NRG3: variants seen among roughly 807,000 people sequenced by gnomAD.
NRG3 encodes neuregulin 3, also known as pro-neuregulin-3, membrane-bound isoform.
NRG3 carries 31 observed loss-of-function variants against 66.9 expected under a neutral mutation model. The ratio of observed to expected loss-of-function variants is 0.46; its 90% confidence interval spans 0.35 to 0.63. The LOEUF is 0.63. Ranked by LOEUF, NRG3 falls within the 20% of genes least tolerant of loss-of-function variation. The pLI is 0.00. For missense variants in NRG3, 910 were observed against 878.9 expected (o/e 1.04, Z -0.45); for synonymous variants, 393 against 359.4 (o/e 1.09, Z -1.06).
intron 3 of NRG3, among the ~76,000 whole-genome samples, chr10:82,824,822 TC>T (rs34245801): frequency 1.3e-5 from 2 of 151,746 alleles, no homozygotes; most frequent in East Asian, 3.9e-4. Context: ...GCTCAAGTCA[TC>T]CCCCCATTTC....
intron 4 of NRG3, among the ~76,000 whole-genome samples, chr10:82,929,180 A>C (rs1847311671): frequency 6.6e-6 from 1 of 152,158 alleles, no homozygotes; most frequent in Non-Finnish European, 1.5e-5. Flanking sequence ...CCGAATTATA[A>C]TGTCCTCTTC....
At chr10:82,066,011 T>C (rs1178045268) in intron 1 of NRG3, among the ~76,000 whole-genome samples, 1 of 152,200 alleles carries the variant, frequency 6.6e-6, no homozygotes, top group Non-Finnish European at 1.5e-5. Flanking sequence ...TAACCTTTAC[T>C]TTTAAAAATC....
chr10:82,348,164 G>A (rs1486291238), intron 1 of NRG3, among the ~76,000 whole-genome samples: 2 of 152,190 alleles, frequency 1.3e-5, no homozygotes, highest in Non-Finnish European at 2.9e-5. Flanking sequence ...TCCTAGCCTC[G>A]ATGGTCTTTA....
intron 1 of NRG3, among the ~76,000 whole-genome samples, chr10:81,944,386 G>A (rs1254271871): frequency 6.6e-6 from 1 of 152,198 alleles, no homozygotes; most frequent in East Asian, 1.9e-4. Flanking sequence ...ATAATATGCA[G>A]TGTCTCAAGA....
At chr10:81,987,653 G>A (rs973885184) in intron 1 of NRG3, among the ~76,000 whole-genome samples, 5 of 152,144 alleles carry the variant, frequency 3.3e-5, no homozygotes, top group Admixed American at 6.5e-5. Context: ...TGATCAATAT[G>A]AATGACACTG....
At chr10:82,039,209 G>A (rs943316273) in intron 1 of NRG3, among the ~76,000 whole-genome samples, 11 of 152,076 alleles carry the variant, frequency 7.2e-5, no homozygotes, top group Non-Finnish European at 1.5e-4. Flanking sequence ...GATGATTAGC[G>A]CTGCCAATGC....
chr10:82,421,047 T>C (rs1302737802), intron 2 of NRG3, among the ~76,000 whole-genome samples: 1 of 152,106 alleles, frequency 6.6e-6, no homozygotes, highest in Non-Finnish European at 1.5e-5. Context: ...GGATCATCAG[T>C]ATCTGTTTGT....
At chr10:82,267,947 C>T (rs1278117004) in intron 1 of NRG3, among the ~76,000 whole-genome samples, 1 of 151,964 alleles carries the variant, frequency 6.6e-6, no homozygotes, top group Non-Finnish European at 1.5e-5. Flanking sequence ...TGGCTGTATG[C>T]CCTGAGAAAA....
chr10:82,868,560 G>A (rs143868879), intron 4 of NRG3, among the ~76,000 whole-genome samples: 271 of 152,286 alleles, frequency 1.8e-3, no homozygotes, highest in African/African-American at 6.0e-3. Context: ...ATTGTTTGCA[G>A]TAGTGAATAG....
intron 1 of NRG3, among the ~76,000 whole-genome samples, chr10:82,332,452 C>T (rs1480948754): frequency 6.6e-6 from 1 of 152,132 alleles, no homozygotes; most frequent in Non-Finnish European, 1.5e-5. Context: ...ACTAACACAT[C>T]TAGAAGGGAC....
chr10:82,426,469 T>C (rs1310183182), intron 2 of NRG3, among the ~76,000 whole-genome samples: 1 of 151,382 alleles, frequency 6.6e-6, no homozygotes, highest in Admixed American at 6.6e-5. Context: ...TTCTCTGATA[T>C]ATCTAAGAAA....
chr10:82,373,728 G>A (rs1311742941), intron 2 of NRG3, among the ~76,000 whole-genome samples: 1 of 152,136 alleles, frequency 6.6e-6, no homozygotes, highest in African/African-American at 2.4e-5. Context: ...AGTTTGGGGT[G>A]TTCTCCTGTG....
At chr10:82,095,450 G>A (rs1474790828) in intron 1 of NRG3, among the ~76,000 whole-genome samples, 1 of 152,174 alleles carries the variant, frequency 6.6e-6, no homozygotes, top group Non-Finnish European at 1.5e-5. Flanking sequence ...AATCAAGAAG[G>A]CTGGGGAGGG....
intron 2 of NRG3, among the ~76,000 whole-genome samples, chr10:82,361,879 A>G (rs1453509036): frequency 5.3e-5 from 8 of 152,010 alleles, no homozygotes; most frequent in Non-Finnish European, 1.0e-4. Context: ...GTGTCTCAAA[A>G]GATTAGACAT....
intron 4 of NRG3, among the ~76,000 whole-genome samples, chr10:82,883,814 T>C (rs1447553486): frequency 6.6e-6 from 1 of 152,180 alleles, no homozygotes; most frequent in East Asian, 1.9e-4. Context: ...AGAATGCATG[T>C]CATACTTCCA....
chr10:82,273,372 T>G (rs921617961), intron 1 of NRG3, among the ~76,000 whole-genome samples: 2 of 152,110 alleles, frequency 1.3e-5, no homozygotes, highest in African/African-American at 4.8e-5. Flanking sequence ...TGATGTTTTA[T>G]TCATACTTTG....
rs140312621 is a variant in NRG3 at position 82,923,643 on chromosome 10, G to T, written c.1055-27826G>T. Among the ~76,000 whole-genome samples, 1,054 of 152,218 alleles carry T rather than the reference G, an allele frequency of 6.9e-3. 6 individuals are homozygous for T. The highest frequency in any genetic ancestry group is 0.01 in the Non-Finnish European group (703 of 68,022). On this transcript the variant is annotated intron_variant, in intron 4 of 8. Coordinates refer to ENST00000372141, the MANE Select transcript of NRG3 (RefSeq NM_001010848.4). ...ACAAATGTATGTATTAAAAACAGGA[G>T]AGAAAGAAATGGAAATATTTGTATA...
At chr10:82,735,006 C>A (rs118037852) in intron 2 of NRG3, among the ~76,000 whole-genome samples, 128 of 128,380 alleles carry the variant, frequency 1.0e-3, no homozygotes, top group South Asian at 1.6e-3. Context: ...GACTCTGCCT[C>A]AAAAAAAAAA....
chr10:82,860,374 C>T (rs1282932249), intron 3 of NRG3, among the ~76,000 whole-genome samples: 1 of 152,164 alleles, frequency 6.6e-6, no homozygotes, highest in East Asian at 1.9e-4. Context: ...CTGAAGATCT[C>T]ATTACTTGAT....
Sources: allele counts gnomAD v4.1 joint callset (sites outside exome capture counted in the v4.1 genomes callset), GRCh38; gene constraint gnomAD v4.1.1; transcripts MANE v1.5; gene names NCBI Gene and HGNC (gene_info 2026-07-23, HGNC 2026-07-21).